The following LHFPL3 variants were observed in gnomAD, a reference collection of about 807,000 sequenced individuals.
LHFPL3 encodes the protein LHFPL tetraspan subfamily member 3.
A neutral mutation model predicts 19.3 loss-of-function variants in LHFPL3; 5 were observed. The observed-to-expected ratio is 0.26, with a 90% CI of 0.14 to 0.54. The LOEUF (loss-of-function observed/expected upper bound fraction) is 0.54. Ranked by LOEUF, LHFPL3 falls within the 20% of genes least tolerant of loss-of-function variation. LHFPL3 has a pLI of 0.94. For synonymous variants in LHFPL3, 133 were observed against 126.2 expected, an observed-to-expected ratio of 1.05 and a Z score of -0.36; for missense variants, 249 against 307.4, an observed-to-expected ratio of 0.81 and a Z score of 1.42.
In LHFPL3 at chr7:104,479,811, C is replaced by T. The variant is rs140809086; in HGVS notation, c.445+150587C>T. On this transcript the variant is annotated intron_variant, in intron 1 of 2. Coordinates refer to ENST00000424859, the MANE Select transcript of LHFPL3 (RefSeq NM_199000.3). ...CTTCCCTGCTCTAGCATCTGTTTTC[C>T]GGTCCAAACCTCATAGTGGTACTTA... 4.0e-3 allele frequency among the ~76,000 whole-genome samples: 605 copies of T among 152,290 alleles called. 5 individuals carry two copies. The highest frequency in any genetic ancestry group is 0.018 in the South Asian group (86 of 4,824).
At chr7:104,841,958 C>T (rs1337876963) in intron 2 of LHFPL3, among the ~76,000 whole-genome samples, 1 of 152,004 alleles carries the variant, frequency 6.6e-6, no homozygotes, top group Non-Finnish European at 1.5e-5. Flanking sequence ...CTTCATTTAT[C>T]ATGGTGCAGA....
chr7:104,523,017 C>T (rs553130680), intron 1 of LHFPL3, among the ~76,000 whole-genome samples: 1 of 151,856 alleles, frequency 6.6e-6, no homozygotes, highest in East Asian at 1.9e-4. Flanking sequence ...TATATATGCA[C>T]ATATATACAT....
chr7:104,463,601 T>C (rs900584205), intron 1 of LHFPL3, among the ~76,000 whole-genome samples: 6 of 152,288 alleles, frequency 3.9e-5, no homozygotes, highest in Admixed American at 2.0e-4. Flanking sequence ...CTTACAGTCA[T>C]GGCAGAAGGG....
chr7:104,835,011 C>T (rs1040236537), intron 2 of LHFPL3, among the ~76,000 whole-genome samples: 4 of 151,938 alleles, frequency 2.6e-5, no homozygotes, highest in African/African-American at 9.7e-5. Flanking sequence ...GCATTCTCTT[C>T]ATCAGTATAG....
intron 1 of LHFPL3, among the ~76,000 whole-genome samples, chr7:104,547,609 G>A (rs1052923477): frequency 6.6e-6 from 1 of 152,296 alleles, no homozygotes; most frequent in Non-Finnish European, 1.5e-5. Context: ...GGTTGCTGAT[G>A]ATGGCAGAGG....
Position 104,449,726 on chromosome 7 carries a change from A to T in LHFPL3, c.445+120502A>T, listed in dbSNP as rs1206689953. 7.2e-5 allele frequency among the ~76,000 whole-genome samples: 11 copies of T among 152,192 alleles called. No homozygotes were observed. In the East Asian group the frequency reaches 2.1e-3, roughly 29 times the overall value. ...GTGTGATTCCATCAAAGCACAGAAC[A>T]GTTTGAGACCAAAGGACATCACTCC... On this transcript the variant is annotated intron_variant, in intron 1 of 2. Coordinates refer to ENST00000424859, the MANE Select transcript of LHFPL3 (RefSeq NM_199000.3).
At chr7:104,513,225 G>C (rs1216339656) in intron 1 of LHFPL3, among the ~76,000 whole-genome samples, 1 of 152,112 alleles carries the variant, frequency 6.6e-6, no homozygotes, top group Non-Finnish European at 1.5e-5. Context: ...CTGGAAAGTA[G>C]ACCAGCAGTT....
At chr7:104,454,723 C>T (rs530790967) in intron 1 of LHFPL3, among the ~76,000 whole-genome samples, 2 of 152,150 alleles carry the variant, frequency 1.3e-5, no homozygotes, top group Non-Finnish European at 2.9e-5. Context: ...ATAGAATGAG[C>T]TCCATTGTTT....
chr7:104,849,996 T>G (rs1403692225), intron 2 of LHFPL3, among the ~76,000 whole-genome samples: 1 of 152,258 alleles, frequency 6.6e-6, no homozygotes, highest in Non-Finnish European at 1.5e-5. Flanking sequence ...ATTAGGTTCG[T>G]GCAAAAGTAA....
At chr7:104,589,404 T>A (rs1168889183) in intron 1 of LHFPL3, among the ~76,000 whole-genome samples, 1 of 152,248 alleles carries the variant, frequency 6.6e-6, no homozygotes, top group East Asian at 1.9e-4. Flanking sequence ...GTTTATATGA[T>A]GGATTACATT....
intron 1 of LHFPL3, among the ~76,000 whole-genome samples, chr7:104,571,270 T>G (rs753529080): frequency 6.6e-5 from 10 of 152,168 alleles, no homozygotes; most frequent in Non-Finnish European, 1.2e-4. Flanking sequence ...AATTAAAAAT[T>G]TATCATTTCT....
intron 1 of LHFPL3, among the ~76,000 whole-genome samples, chr7:104,400,765 A>G (rs1299089408): frequency 6.6e-6 from 1 of 152,078 alleles, no homozygotes; most frequent in African/African-American, 2.4e-5. Context: ...CAAAATTTTT[A>G]TCAATATTTT....
chr7:104,623,823 A>G (rs571434478), intron 1 of LHFPL3, among the ~76,000 whole-genome samples: 10 of 152,306 alleles, frequency 6.6e-5, no homozygotes, highest in Admixed American at 4.6e-4. Context: ...GAGTGAGGCC[A>G]TTTTGGACCT....
At chr7:104,615,200 A>T (rs963222086) in intron 1 of LHFPL3, among the ~76,000 whole-genome samples, 1 of 152,214 alleles carries the variant, frequency 6.6e-6, no homozygotes, top group African/African-American at 2.4e-5. Flanking sequence ...CGTGTGAAAA[A>T]GTTTGGCATA....
At chr7:104,748,688 C>G (rs181980488) in intron 2 of LHFPL3, among the ~76,000 whole-genome samples, 3 of 152,130 alleles carry the variant, frequency 2.0e-5, no homozygotes, top group Admixed American at 2.0e-4. Flanking sequence ...ACATCCCCCT[C>G]TTGGAGAAAC....
intron 1 of LHFPL3, among the ~76,000 whole-genome samples, chr7:104,628,659 A>G (rs1307098930): frequency 6.6e-6 from 1 of 152,192 alleles, no homozygotes; most frequent in Non-Finnish European, 1.5e-5. Context: ...TGGCTGGATT[A>G]TTTGCAACCA....
chr7:104,578,162 G>C (rs141658457), intron 1 of LHFPL3, among the ~76,000 whole-genome samples: 171 of 152,334 alleles, frequency 1.1e-3, no homozygotes, highest in African/African-American at 3.9e-3. Flanking sequence ...TTCTAAGAAA[G>C]AGGTTTTGGA....
intron 1 of LHFPL3, among the ~76,000 whole-genome samples, chr7:104,435,953 A>G (rs67322901): frequency 0.096 from 14,549 of 152,102 alleles, 729 homozygotes; most frequent in Middle Eastern, 0.11. Context: ...ATCTGAGTCT[A>G]TGTTTTGGAT....
intron 2 of LHFPL3, among the ~76,000 whole-genome samples, chr7:104,864,897 C>T (rs1027947098): frequency 2.0e-5 from 3 of 152,192 alleles, no homozygotes; most frequent in African/African-American, 7.2e-5. Context: ...AATGATCAGG[C>T]AGCAACATTT....
Sources: allele counts gnomAD v4.1 joint callset (sites outside exome capture counted in the v4.1 genomes callset), GRCh38; gene constraint gnomAD v4.1.1; transcripts MANE v1.5; gene names NCBI Gene and HGNC (gene_info 2026-07-23, HGNC 2026-07-21).